MAP3K2: variants seen among roughly 807,000 people sequenced by gnomAD.
The protein encoded by MAP3K2 is mitogen-activated protein kinase kinase kinase 2.
MAP3K2 carries 24 observed loss-of-function variants against 80.3 expected under a neutral mutation model. The observed-to-expected ratio is 0.30, with a 90% CI of 0.22 to 0.42. The LOEUF (loss-of-function observed/expected upper bound fraction) is 0.42. MAP3K2 is among the 10% of genes least tolerant of loss of function. The probability of loss-of-function intolerance (pLI) is 1.00; values close to 1 mark genes in which losing one functional copy is unlikely to be tolerated. For synonymous variants in MAP3K2, 244 were observed against 253.7 expected (o/e 0.96, Z 0.36); for missense variants, 608 against 750.1 (o/e 0.81, Z 2.21).
intron 15 of MAP3K2, among the ~76,000 whole-genome samples, chr2:127,312,719 T>C (rs1411814699): frequency 1.3e-5 from 2 of 151,986 alleles, no homozygotes; most frequent in Non-Finnish European, 2.9e-5. Context: ...TCCCAGCGCT[T>C]TGAGAGGCCG....
rs925943424 is a variant in MAP3K2, at chr2:127,364,763, C to A, written c.-65-21569G>T. On this transcript the variant is annotated intron_variant, in intron 1 of 16. Coordinates refer to ENST00000682094, the MANE Select transcript of MAP3K2 (RefSeq NM_001371910.2). The surrounding 1 kb of genome is among the most constrained non-coding windows in gnomAD (Gnocchi z 4.1). ...TCATCTTCTTTTCCCTCCACCTTTC[C>A]CCTCATCTTTAAAAATATACCCCTC... 2.6e-5 allele frequency among the ~76,000 whole-genome samples: 4 copies of A among 152,038 alleles called. No homozygotes were observed. Among genetic ancestry groups the A allele is most frequent in the African/African-American group, 4.8e-5 (2 of 41,390 alleles).
chr2:127,320,589 T>G (rs1405158429), intron 12 of MAP3K2, among the ~76,000 whole-genome samples: 1 of 152,082 alleles, frequency 6.6e-6, no homozygotes, highest in Non-Finnish European at 1.5e-5. Flanking sequence ...CTGAGAACTT[T>G]TCACAGACAA....
rs1686031101 is a variant in MAP3K2 at position 127,322,048 on chromosome 2, C to T, written c.1043G>A (p.Arg348His). 7 of 1,611,524 alleles carry T rather than the reference C, an allele frequency of 4.3e-6. No homozygotes were observed. Among genetic ancestry groups the T allele is most frequent in the South Asian group, 1.1e-5 (1 of 90,766 alleles). ...CTATACCAAGTTCTATTACTTACAA[C>T]GGCTGGGTGGGCTGATGTCCATTAC... Reference protein sequence around the residue: ...LTVMDISPPSRSPRAPTNWRL... With the variant: ...LTVMDISPPSHSPRAPTNWRL... Residue 348 changes from arginine (R) to histidine (H), a missense_variant and splice_region_variant, in exon 12 of 17, where the codon CGT (arginine) becomes CAT (histidine). This residue lies in a region of MAP3K2 where 467 missense variants were observed against 521.9 expected (regional missense o/e 0.89). Transcript: ENST00000682094. The surrounding 1 kb of genome is among the most constrained non-coding windows in gnomAD (Gnocchi z 4.2).
rs765010648 is a variant in MAP3K2, at chr2:127,322,108, C to A, written c.983G>T (p.Arg328Ile). The A allele has an allele frequency of 6.2e-7, 1 of 1,613,860 alleles. No individual in the cohort carries two copies. The highest frequency in any genetic ancestry group is 8.5e-7 in the Non-Finnish European group (1 of 1,179,846). ...TPEYDDSRIRRRGSDIDNPTL... is the reference protein window; with the variant it reads ...TPEYDDSRIRIRGSDIDNPTL... Reference sequence around the variant, plus strand: ...AGGATTGTCTATGTCACTTCCCCTTCTTCTTATTCGACTATCATCATACTC... The same window carrying A: ...AGGATTGTCTATGTCACTTCCCCTTATTCTTATTCGACTATCATCATACTC... Residue 328 changes from arginine (R) to isoleucine (I), a missense_variant, in exon 12 of 17, where the codon AGA becomes ATA. Arg to Ile is a moderately conservative substitution (Grantham distance 97). This residue lies in a region of MAP3K2 where 467 missense variants were observed against 521.9 expected (regional missense o/e 0.89). Coordinates refer to ENST00000682094, the MANE Select transcript of MAP3K2 (RefSeq NM_001371910.2). The surrounding 1 kb of genome is among the most constrained non-coding windows in gnomAD (Gnocchi z 4.2).
At chr2:127,365,453 T>C (rs975360328) in intron 1 of MAP3K2, among the ~76,000 whole-genome samples, 1 of 152,218 alleles carries the variant, frequency 6.6e-6, no homozygotes, top group Non-Finnish European at 1.5e-5. Flanking sequence ...CAGAATCCTC[T>C]TTCCATAGGG....
At chr2:127,338,854 C>G in intron 3 of MAP3K2, 78 bp downstream of exon 3, 1 of 932,720 alleles carries the variant, frequency 1.1e-6, no homozygotes, top group South Asian at 1.7e-5. Flanking sequence ...AAAAGCTGAA[C>G]ACATTAAACA....
At chr2:127,366,402 C>T (rs1455704994) in intron 1 of MAP3K2, among the ~76,000 whole-genome samples, 2 of 144,712 alleles carry the variant, frequency 1.4e-5, no homozygotes, top group African/African-American at 5.0e-5. Context: ...AAAAAAAAAC[C>T]CAACAAAACA....
At chr2:127,323,781 A>G in intron 11 of MAP3K2, 121 bp downstream of exon 11, 2 of 483,784 alleles carry the variant, frequency 4.1e-6, no homozygotes, top group Non-Finnish European at 7.3e-6. Context: ...TTGTTATAAC[A>G]CAATTCCTCA....
upstream of MAP3K2, chr2:127,388,376 G>A: frequency 1.0e-6 from 1 of 985,456 alleles, no homozygotes; most frequent in Non-Finnish European, 1.2e-6. Flanking sequence ...GTGACGGACT[G>A]TGTGGCAGGT....
upstream of MAP3K2, chr2:127,388,203 C>G: frequency 1.2e-5 from 12 of 985,276 alleles, no homozygotes; most frequent in Non-Finnish European, 1.4e-5. Flanking sequence ...CCCGCCCCTG[C>G]CCCGGGGCAG....
At chr2:127,345,565 C>G (rs1573995434) in intron 1 of MAP3K2, among the ~76,000 whole-genome samples, 1 of 152,162 alleles carries the variant, frequency 6.6e-6, no homozygotes, top group African/African-American at 2.4e-5. Context: ...CTCAAAACAG[C>G]AGAATATACA....
At chr2:127,333,485 T>C (rs1686303025) in intron 5 of MAP3K2, among the ~76,000 whole-genome samples, 1 of 152,224 alleles carries the variant, frequency 6.6e-6, no homozygotes, top group Admixed American at 6.5e-5. Context: ...TAACATGCAG[T>C]ATAAATGAAT....
chr2:127,358,961 C>T (rs373181911), intron 1 of MAP3K2, among the ~76,000 whole-genome samples: 1 of 151,486 alleles, frequency 6.6e-6, no homozygotes, highest in African/African-American at 2.4e-5. Flanking sequence ...CTATTGATTC[C>T]AACTATGTAA....
At chr2:127,356,104 C>T (rs1686793439) in intron 1 of MAP3K2, among the ~76,000 whole-genome samples, 1 of 152,156 alleles carries the variant, frequency 6.6e-6, no homozygotes, top group Admixed American at 6.5e-5. Context: ...TCTGTAGCTA[C>T]TTCCTCCTCT....
rs1686590420 is a variant in MAP3K2 at position 127,346,094 on chromosome 2, CA to C, written c.-65-2901del. ...CAAAACTAACAAACTTTTAGCTAATCAAAAAAAGAAGAGGGAAAACACAAAT... is the reference window on the plus strand; with the variant it reads ...CAAAACTAACAAACTTTTAGCTAATCAAAAAAGAAGAGGGAAAACACAAAT... On this transcript the variant is annotated intron_variant, in intron 1 of 16. Coordinates refer to ENST00000682094, the MANE Select transcript of MAP3K2 (RefSeq NM_001371910.2). Among the ~76,000 whole-genome samples, 6 of 149,512 alleles carry C rather than the reference CA, an allele frequency of 4.0e-5. No individual in the cohort carries two copies. In the South Asian group the frequency reaches 1.0e-3, roughly 26 times the overall value.
chr2:127,368,177 C>G (rs1010123197), intron 1 of MAP3K2, among the ~76,000 whole-genome samples: 2 of 151,794 alleles, frequency 1.3e-5, no homozygotes, highest in Non-Finnish European at 2.9e-5. Flanking sequence ...GGAAAATTAA[C>G]CTGGTGTGGT....
At chr2:127,358,171 C>T (rs147323726) in intron 1 of MAP3K2, among the ~76,000 whole-genome samples, 35 of 152,222 alleles carry the variant, frequency 2.3e-4, no homozygotes, top group African/African-American at 7.9e-4. Flanking sequence ...ACCAAAAAGA[C>T]ATTAAGGATG....
chr2:127,371,009 G>GC (rs1687054233), intron 1 of MAP3K2, among the ~76,000 whole-genome samples: 1 of 152,156 alleles, frequency 6.6e-6, no homozygotes. Context: ...CTCTTAGCCT[G>GC]CCCAGTAATG....
At chr2:127,344,032 A>T (rs1008263397) in intron 1 of MAP3K2, among the ~76,000 whole-genome samples, 5 of 152,078 alleles carry the variant, frequency 3.3e-5, no homozygotes, top group African/African-American at 1.2e-4. Context: ...GTGTTTGTAT[A>T]CCATTGCAAT....
Sources: gnomAD v4.1 joint callset for allele counts (sites outside exome capture counted in the v4.1 genomes callset) on GRCh38, gnomAD v4.1.1 for gene constraint, gnomAD v4.1.1 regional missense constraint, Gnocchi (gnomAD v3.1) non-coding constraint, MANE v1.5 for transcripts, NCBI Gene and HGNC (gene_info 2026-07-23, HGNC 2026-07-21) for gene names.